DNAH6: variants seen among roughly 807,000 people sequenced by gnomAD.
DNAH6 encodes dynein axonemal heavy chain 6, also known as axonemal beta dynein heavy chain 6.
In DNAH6, 340 loss-of-function variants were observed where a neutral mutation model predicts 491.4. The observed-to-expected ratio is 0.69, with a 90% CI of 0.63 to 0.76. The LOEUF (loss-of-function observed/expected upper bound fraction) is 0.76, where lower values mean the gene tolerates loss of function less well. Ranked by LOEUF, DNAH6 falls within the 30% of genes least tolerant of loss-of-function variation. The probability of loss-of-function intolerance (pLI) is 0.00; values close to 1 mark genes in which losing one functional copy is unlikely to be tolerated. For synonymous variants in DNAH6, 1,603 were observed against 1,686.1 expected (o/e 0.95, Z 1.21); for missense variants, 4,443 against 4,972.2 (o/e 0.89, Z 3.20).
At chr2:84,762,369 A>C (rs1262038106) in intron 63 of DNAH6, among the ~76,000 whole-genome samples, 1 of 152,230 alleles carries the variant, frequency 6.6e-6, no homozygotes, top group Non-Finnish European at 1.5e-5. Context: ...GCTTAATTGT[A>C]TGATGATAGG....
At chr2:84,504,784 G>A in the DNAH6 span, among the ~76,000 whole-genome samples, 1 of 152,126 alleles carries the variant, frequency 6.6e-6, no homozygotes, top group Non-Finnish European at 1.5e-5. Context: ...GTTTTCAAAT[G>A]GGAAAATGTG....
intron 40 of DNAH6, among the ~76,000 whole-genome samples, chr2:84,675,777 G>T (rs1455726860): frequency 2.0e-5 from 3 of 152,070 alleles, no homozygotes; most frequent in Non-Finnish European, 4.4e-5. Flanking sequence ...TCCCACCTCA[G>T]CCCCCCGAGT....
In DNAH6 at chr2:84,622,096, C is replaced by T. The variant is rs1308116821; in HGVS notation, c.4071+545C>T. Among the ~76,000 whole-genome samples, 3 of 152,168 alleles carry T rather than the reference C, an allele frequency of 2.0e-5. No individual in the cohort carries two copies. The East Asian group carries it at 5.8e-4, about 29-fold the overall frequency. On this transcript the variant is annotated intron_variant, in intron 26 of 76. Coordinates refer to ENST00000389394, the MANE Select transcript of DNAH6 (RefSeq NM_001370.2). The stretch of plus-strand genomic sequence containing the variant: ...AAACTTTATACTTGTTGAACAGCAA[C>T]TCCACATTTCCTCCTCTCCCTAGCT...
intron 64 of DNAH6, among the ~76,000 whole-genome samples, chr2:84,764,324 A>G (rs765450142): frequency 2.0e-4 from 31 of 152,220 alleles, no homozygotes; most frequent in Non-Finnish European, 4.0e-4. Flanking sequence ...AAGTCAAAAA[A>G]TACAAACAGA....
At chr2:84,755,281 C>T (rs1196476842) in intron 63 of DNAH6, among the ~76,000 whole-genome samples, 1 of 152,210 alleles carries the variant, frequency 6.6e-6, no homozygotes, top group Non-Finnish European at 1.5e-5. Flanking sequence ...CTTGCCCTCT[C>T]TTGCCTTTCT....
chr2:84,495,797 T>C, the DNAH6 span, among the ~76,000 whole-genome samples: 3 of 152,324 alleles, frequency 2.0e-5, no homozygotes, highest in Admixed American at 6.5e-5. Context: ...CCGTGACTTA[T>C]GCCAACACTT....
chr2:84,778,804 A>G (rs960700093), intron 64 of DNAH6, among the ~76,000 whole-genome samples: 4 of 152,134 alleles, frequency 2.6e-5, no homozygotes, highest in Non-Finnish European at 5.9e-5. Flanking sequence ...GTAAACTTTT[A>G]ACACTGCTTT....
chr2:84,792,437 A>C (rs1222381208), intron 68 of DNAH6, among the ~76,000 whole-genome samples: 1 of 152,238 alleles, frequency 6.6e-6, no homozygotes, highest in East Asian at 1.9e-4. Context: ...GGTCATGGAT[A>C]TGTTTACCAT....
At chr2:84,706,849 C>A in intron 52 of DNAH6, 47 bp from the exon 53 acceptor site, 1 of 1,508,322 alleles carries the variant, frequency 6.6e-7, no homozygotes, top group South Asian at 1.3e-5. Flanking sequence ...TGGGCAAATT[C>A]AGCCTTTTTT....
intron 4 of DNAH6, among the ~76,000 whole-genome samples, 174 bp from the exon 5 acceptor site, chr2:84,544,059 C>T (rs1434428947): frequency 6.6e-6 from 1 of 152,106 alleles, no homozygotes; most frequent in East Asian, 1.9e-4. Context: ...ACTTGTTTAA[C>T]TCATTTTCTT....
chr2:84,736,148 G>C (rs1208476320), intron 62 of DNAH6, among the ~76,000 whole-genome samples: 1 of 152,076 alleles, frequency 6.6e-6, no homozygotes, highest in Non-Finnish European at 1.5e-5. Flanking sequence ...CTTTGTCAAA[G>C]ATCAGTTGGT....
chr2:84,641,930 T>C lies in DNAH6; in HGVS notation c.4971-17T>C. 3 of 1,536,682 alleles carry C rather than the reference T, an allele frequency of 2.0e-6. No homozygotes were observed. The highest frequency in any genetic ancestry group is 2.6e-6 in the Non-Finnish European group (3 of 1,135,372). ...TATGTTCTTGTGATATTATCCGAAA[T>C]ATTCCTTTAAATTTAGATCTTTAAA... On this transcript the variant is annotated splice_polypyrimidine_tract_variant and intron_variant, in intron 32 of 76. Transcript: ENST00000389394.
At chr2:84,564,988 C>T (rs550542156) in intron 11 of DNAH6, among the ~76,000 whole-genome samples, 11 of 152,246 alleles carry the variant, frequency 7.2e-5, no homozygotes, top group African/African-American at 1.9e-4. Flanking sequence ...TGGTGAATCA[C>T]ATTTATTGAT....
intron 37 of DNAH6, among the ~76,000 whole-genome samples, chr2:84,666,399 CAA>C (rs1267403145): frequency 4.6e-5 from 7 of 152,194 alleles, no homozygotes; most frequent in Admixed American, 1.3e-4. Flanking sequence ...GCAACTTCAG[CAA>C]AGTCTCAGGA....
chr2:84,786,101 AGAATGAATGAATGAATGAATGAATGAAT>A (rs3062234), intron 67 of DNAH6, among the ~76,000 whole-genome samples: 2 of 150,246 alleles, frequency 1.3e-5, no homozygotes, highest in African/African-American at 4.9e-5. Context: ...AGAGAAAGAA[AGAATGAATGAATGAATGAATGAATGAAT>A]GAATGAATGA....
intron 72 of DNAH6, among the ~76,000 whole-genome samples, chr2:84,811,488 T>G (rs1250912269): frequency 1.3e-5 from 2 of 152,152 alleles, no homozygotes; most frequent in Non-Finnish European, 2.9e-5. Context: ...AGGAGAGGCT[T>G]GGAGACATGT....
chr2:84,527,971 C>G (rs1676760806), intron 3 of DNAH6, among the ~76,000 whole-genome samples: 1 of 152,130 alleles, frequency 6.6e-6, no homozygotes, highest in Non-Finnish European at 1.5e-5. Flanking sequence ...GCCAGTTACT[C>G]CTATACTATC....
chr2:84,606,100 A>T (rs1246864385), intron 20 of DNAH6, among the ~76,000 whole-genome samples: 1 of 152,228 alleles, frequency 6.6e-6, no homozygotes, highest in East Asian at 1.9e-4. Context: ...AAGAAAATAA[A>T]TCTAATTCAT....
intron 31 of DNAH6, among the ~76,000 whole-genome samples, chr2:84,640,170 A>G (rs1337319286): frequency 1.3e-5 from 2 of 151,916 alleles, no homozygotes; most frequent in Non-Finnish European, 2.9e-5. Context: ...TGTTCCTTGA[A>G]CCAAATGTCC....
Sources: gnomAD v4.1 joint callset for allele counts (sites outside exome capture counted in the v4.1 genomes callset) on GRCh38, gnomAD v4.1.1 for gene constraint, MANE v1.5 for transcripts, NCBI Gene and HGNC (gene_info 2026-07-23, HGNC 2026-07-21) for gene names.